TDRD7: variants seen among roughly 807,000 people sequenced by gnomAD.
TDRD7 encodes the protein tudor domain containing 7.
A neutral mutation model predicts 109.8 loss-of-function variants in TDRD7; 47 were observed. The ratio of observed to expected loss-of-function variants is 0.43; its 90% confidence interval spans 0.34 to 0.55. The LOEUF (loss-of-function observed/expected upper bound fraction) is 0.55. Among genes scored for constraint, TDRD7 ranks in the 20% least tolerant of loss-of-function variants. The probability of loss-of-function intolerance (pLI) is 0.03; values close to 1 mark genes in which losing one functional copy is unlikely to be tolerated. For missense variants in TDRD7, 1,164 were observed against 1,319.2 expected (o/e 0.88, Z 1.82); for synonymous variants, 424 against 457.3 (o/e 0.93, Z 0.93).
chr9:97,463,374 AGTTTT>A (rs1828763032), intron 7 of TDRD7, among the ~76,000 whole-genome samples: 1 of 147,274 alleles, frequency 6.8e-6, no homozygotes, highest in Non-Finnish European at 1.5e-5. Context: ...GGACTTTCTG[AGTTTT>A]GTTTTTTTTT....
chr9:97,470,202 A>G (rs1463934537), intron 8 of TDRD7, among the ~76,000 whole-genome samples: 2 of 152,216 alleles, frequency 1.3e-5, no homozygotes, highest in Admixed American at 6.5e-5. Flanking sequence ...TATAGGCATT[A>G]TGATATTAAT....
rs1271738854 is a variant in TDRD7, at chr9:97,472,423, A to G, written c.1872A>G (p.Gly624=). Residue 624 remains glycine, a synonymous_variant, in exon 10 of 17, where the codon GGA becomes GGG. Transcript: ENST00000355295. ...IPLVVLYDTS[G]EDDININATC... ...TTGTTGTTCTGTACGATACCTCAGG[A>G]GAAGATGATATCAATATCAATGCCA... 1 of 1,613,986 alleles carries G rather than the reference A, an allele frequency of 6.2e-7. No homozygotes were observed. Among genetic ancestry groups the G allele is most frequent in the Middle Eastern group, 1.7e-4 (1 of 6,058 alleles).
At chr9:97,489,900 A>G (rs1419491831) in intron 16 of TDRD7, among the ~76,000 whole-genome samples, 1 of 152,168 alleles carries the variant, frequency 6.6e-6, no homozygotes, top group African/African-American at 2.4e-5. Context: ...TTCATGTGAC[A>G]TTGCACTGTT....
chr9:97,461,373 A>G (rs1828722388), intron 7 of TDRD7, among the ~76,000 whole-genome samples: 1 of 152,248 alleles, frequency 6.6e-6, no homozygotes, highest in Non-Finnish European at 1.5e-5. Flanking sequence ...AGTGCCCTAC[A>G]CACTGCATAA....
At chr9:97,423,383 G>T (rs1282552932) in intron 1 of TDRD7, among the ~76,000 whole-genome samples, 1 of 149,362 alleles carries the variant, frequency 6.7e-6, no homozygotes. Flanking sequence ...ATCACATTAT[G>T]GTAATTTGTG....
chr9:97,456,283 C>T (rs1226079015), intron 6 of TDRD7, among the ~76,000 whole-genome samples: 1 of 152,182 alleles, frequency 6.6e-6, no homozygotes, highest in African/African-American at 2.4e-5. Flanking sequence ...CTATTCTCAT[C>T]AAACTACCAT....
chr9:97,431,938 C>A lies in TDRD7; in HGVS notation c.350-87C>A, dbSNP rs1457618195. ...AAACTGTTCTGAGAATAGACACCCA[C>A]AGAAAACATCTGGTCAGGGGAGTGT... On this transcript the variant is annotated intron_variant, in intron 3 of 16. Coordinates refer to ENST00000355295, the MANE Select transcript of TDRD7 (RefSeq NM_014290.3). The A allele has an allele frequency of 4.0e-6, 5 of 1,244,194 alleles. No homozygotes were observed. In the African/African-American group the frequency reaches 4.4e-5, roughly 11 times the overall value. 77.1% of individuals were successfully genotyped at this position (1,244,194 alleles called of 1,614,324 possible). A position where few individuals can be genotyped will look rare whatever the true frequency, so the allele number is the denominator to read the frequency against.
At chr9:97,427,608 C>T (rs1421820068) in intron 1 of TDRD7, among the ~76,000 whole-genome samples, 1 of 152,184 alleles carries the variant, frequency 6.6e-6, no homozygotes, top group Non-Finnish European at 1.5e-5. Context: ...TTGGCCTCTT[C>T]CTCTCTTGCA....
intron 6 of TDRD7, among the ~76,000 whole-genome samples, chr9:97,452,487 C>T (rs547704789): frequency 1.3e-5 from 2 of 152,210 alleles, no homozygotes; most frequent in South Asian, 4.2e-4. Flanking sequence ...AAGAATAAAC[C>T]ATTAAAGACT....
At chr9:97,447,475 A>G (rs780689175) in intron 6 of TDRD7, among the ~76,000 whole-genome samples, 2 of 152,220 alleles carry the variant, frequency 1.3e-5, no homozygotes, top group Non-Finnish European at 2.9e-5. Context: ...CCCAGCCTAA[A>G]GCAGGCCAAA....
At position 97,412,552 on chromosome 9, in the gene TDRD7, G is replaced by C. The variant is rs1211893904; in HGVS notation, c.-7+314G>C. 6.6e-6 allele frequency among the ~76,000 whole-genome samples: 1 copy of C among 152,206 alleles called. No homozygotes were observed. The highest frequency in any genetic ancestry group is 1.5e-5 in the Non-Finnish European group (1 of 68,022). Reference sequence around the variant, plus strand: ...TGCCGCCTCGGAAGCTCTGCGCCGTGGGGGAAATGCAGCAGCGGGGTGTGG... The same window carrying C: ...TGCCGCCTCGGAAGCTCTGCGCCGTCGGGGAAATGCAGCAGCGGGGTGTGG... On this transcript the variant is annotated intron_variant, in intron 1 of 16. Transcript: ENST00000355295. This position sits in a 1 kb window ranked among gnomAD's most constrained non-coding sequence, Gnocchi z 4.3.
intron 7 of TDRD7, among the ~76,000 whole-genome samples, chr9:97,464,425 A>C (rs1828788589): frequency 6.6e-6 from 1 of 152,116 alleles, no homozygotes; most frequent in South Asian, 2.1e-4. Flanking sequence ...ATCTTGGCTC[A>C]CTGCAACCTG....
At position 97,412,521 on chromosome 9, in the gene TDRD7, G is replaced by A. The variant is rs1315464608; in HGVS notation, c.-7+283G>A. 6.6e-6 allele frequency among the ~76,000 whole-genome samples: 1 copy of A among 152,204 alleles called. No individual in the cohort carries two copies. The highest frequency in any genetic ancestry group is 1.5e-5 in the Non-Finnish European group (1 of 68,038). ...GGCGTTCACGCGGGAGTCGGACGGA[G>A]CCTCCTGCCGCCTCGGAAGCTCTGC... On this transcript the variant is annotated intron_variant, in intron 1 of 16. Transcript: ENST00000355295. This position sits in a 1 kb window ranked among gnomAD's most constrained non-coding sequence, Gnocchi z 4.3.
Position 97,464,921 on chromosome 9 carries a change from A to C in TDRD7, c.1522A>C (p.Ile508Leu), listed in dbSNP as rs1348235816. 6.2e-7 allele frequency: 1 copy of C among 1,614,060 alleles called. No individual in the cohort carries two copies. Among genetic ancestry groups the C allele is most frequent in the Non-Finnish European group, 8.5e-7 (1 of 1,180,032 alleles). Residue 508 changes from isoleucine (I) to leucine (L), a missense_variant, in exon 8 of 17, where the codon ATC (isoleucine) becomes CTC (leucine). Coordinates refer to ENST00000355295, the MANE Select transcript of TDRD7 (RefSeq NM_014290.3). ...MKEYYSKNPK[I>L]TPVQAVNVGQ... ...GGAATATTACAGTAAGAATCCTAAG[A>C]TCACACCAGTCCAGGCTGTGAATGT...
chr9:97,439,579 G>C (rs907280911), intron 5 of TDRD7, among the ~76,000 whole-genome samples: 1 of 152,216 alleles, frequency 6.6e-6, no homozygotes, highest in African/African-American at 2.4e-5. Context: ...GTGGCCTGCA[G>C]AGATGCTTGT....
chr9:97,433,804 A>G (rs147811895), intron 4 of TDRD7, among the ~76,000 whole-genome samples: 84 of 152,300 alleles, frequency 5.5e-4, no homozygotes, highest in Non-Finnish European at 1.1e-3. Flanking sequence ...TAAAACCACA[A>G]TGAGATACCA....
At chr9:97,492,815 T>G (rs1259380362) in intron 16 of TDRD7, among the ~76,000 whole-genome samples, 2 of 152,216 alleles carry the variant, frequency 1.3e-5, no homozygotes, top group African/African-American at 4.8e-5. Context: ...GACCTCCATT[T>G]TATAATTAAT....
chr9:97,453,540 A>C (rs1029418084), intron 6 of TDRD7, among the ~76,000 whole-genome samples: 17 of 151,504 alleles, frequency 1.1e-4, no homozygotes, highest in African/African-American at 4.1e-4. Flanking sequence ...GAAGAACAGT[A>C]TGGTACGGCA....
chr9:97,445,558 A>G (rs1018110003), intron 6 of TDRD7, among the ~76,000 whole-genome samples: 2 of 152,224 alleles, frequency 1.3e-5, no homozygotes, highest in African/African-American at 2.4e-5. Context: ...AAAACCTGAC[A>G]GATGGGTTAG....
Sources: gnomAD v4.1 joint callset for allele counts (sites outside exome capture counted in the v4.1 genomes callset) on GRCh38, gnomAD v4.1.1 for gene constraint, Gnocchi (gnomAD v3.1) non-coding constraint, MANE v1.5 for transcripts, NCBI Gene and HGNC (gene_info 2026-07-23, HGNC 2026-07-21) for gene names.